The following CSGALNACT2 variants were observed in gnomAD, a reference collection of about 807,000 sequenced individuals.
CSGALNACT2 encodes beta 4 GalNAcT-2.
CSGALNACT2 carries 35 observed loss-of-function variants against 55.3 expected under a neutral mutation model. That is an observed-to-expected ratio of 0.63 (90% CI 0.48 to 0.84). The LOEUF (loss-of-function observed/expected upper bound fraction) is 0.84, where lower values mean the gene tolerates loss of function less well. Among genes scored for constraint, CSGALNACT2 ranks in the 40% least tolerant of loss-of-function variants. CSGALNACT2 has a pLI of 0.00. For missense variants in CSGALNACT2, 544 were observed against 657.5 expected (o/e 0.83, Z 1.89); for synonymous variants, 196 against 224.9 (o/e 0.87, Z 1.15).
At chr10:43,181,222 T>C (rs759797757) in intron 7 of CSGALNACT2, among the ~76,000 whole-genome samples, 14 of 152,230 alleles carry the variant, frequency 9.2e-5, no homozygotes, top group Admixed American at 4.6e-4. Context: ...TTTTCCTACC[T>C]GGGTACTGGT....
At chr10:43,161,952 G>A (rs1377228414) in intron 4 of CSGALNACT2, among the ~76,000 whole-genome samples, 1 of 152,110 alleles carries the variant, frequency 6.6e-6, no homozygotes, top group African/African-American at 2.4e-5. Flanking sequence ...TAATACTGAA[G>A]TATTGTCAAG....
At chr10:43,154,757 CTGA>C (rs1838957133) in intron 1 of CSGALNACT2, 137 bp from the exon 2 acceptor site, 1 of 155,918 alleles carries the variant, frequency 6.4e-6, no homozygotes, top group Admixed American at 6.5e-5. Context: ...CTAGTATTTA[CTGA>C]ATATTCTAAA....
chr10:43,182,574 G>A (rs1013397952), intron 7 of CSGALNACT2, among the ~76,000 whole-genome samples: 17 of 152,028 alleles, frequency 1.1e-4, no homozygotes, highest in African/African-American at 2.9e-4. Flanking sequence ...CCAGAAAAGC[G>A]TGTGTCTCAA....
intron 6 of CSGALNACT2, among the ~76,000 whole-genome samples, chr10:43,170,313 C>T (rs1839358343): frequency 6.6e-6 from 1 of 152,066 alleles, no homozygotes; most frequent in Admixed American, 6.5e-5. Flanking sequence ...TCAAACGAGC[C>T]AGAGGTCCAC....
chr10:43,170,482 G>A lies in CSGALNACT2; in HGVS notation c.1254+3384G>A, dbSNP rs75003478. 2.4e-4 allele frequency among the ~76,000 whole-genome samples: 36 copies of A among 152,250 alleles called. No homozygotes were observed. In the East Asian group the frequency reaches 6.8e-3, roughly 29 times the overall value. ...AGAAAGAGCTCCCAGTGCCCAAGCTGGAACAACCTGAGCAATGAAATAAAT... is the reference window on the plus strand; with the variant it reads ...AGAAAGAGCTCCCAGTGCCCAAGCTAGAACAACCTGAGCAATGAAATAAAT... On this transcript the variant is annotated intron_variant, in intron 6 of 7. Transcript: ENST00000374466.
In CSGALNACT2 at chr10:43,155,157, G is replaced by A. The variant is rs372921988; in HGVS notation, c.8G>A (p.Arg3Lys). 9 of 1,612,810 alleles carry A rather than the reference G, an allele frequency of 5.6e-6. No homozygotes were observed. Among genetic ancestry groups the A allele is most frequent in the Middle Eastern group, 1.6e-4 (1 of 6,084 alleles). ...AAATACACATTAATAAGAATGCCTA[G>A]AAGAGGACTGATTCTTCACACCCGG... MP[R>K]RGLILHTRTH... Residue 3 changes from arginine (R) to lysine (K), a missense_variant, in exon 2 of 8, where the codon AGA becomes AAA. This residue lies in a region of CSGALNACT2 where 374 missense variants were observed against 401.3 expected (regional missense o/e 0.93). Transcript: ENST00000374466.
chr10:43,180,138 G>C (rs542313984), intron 7 of CSGALNACT2, among the ~76,000 whole-genome samples: 1 of 152,308 alleles, frequency 6.6e-6, no homozygotes, highest in African/African-American at 2.4e-5. Flanking sequence ...CCTCCACCCT[G>C]TTGCTGTGGG....
intron 7 of CSGALNACT2, among the ~76,000 whole-genome samples, chr10:43,180,097 T>C (rs762599853): frequency 7.2e-5 from 11 of 152,160 alleles, no homozygotes; most frequent in Admixed American, 7.2e-4. Context: ...GGACCCCCAG[T>C]ATTCTCAGCT....
chr10:43,156,557 A>G (rs563185530), intron 2 of CSGALNACT2, among the ~76,000 whole-genome samples: 1 of 152,330 alleles, frequency 6.6e-6, no homozygotes, highest in East Asian at 1.9e-4. Context: ...GATTCTATAA[A>G]CTGTGTTATC....
intron 7 of CSGALNACT2, among the ~76,000 whole-genome samples, chr10:43,180,283 TATTTTGTTC>T (rs1839565297): frequency 2.0e-5 from 3 of 152,230 alleles, no homozygotes; most frequent in African/African-American, 7.2e-5. Flanking sequence ...CGTTCTTAGA[TATTTTGTTC>T]ATTTTATTTT....
chr10:43,144,567 T>G (rs925048672), intron 1 of CSGALNACT2, among the ~76,000 whole-genome samples: 24 of 5,972 alleles, frequency 4.0e-3, no homozygotes, highest in African/African-American at 0.038. Flanking sequence ...CTGGAGGGGT[T>G]TTTTTTTGTT....
At chr10:43,164,075 A>G (rs771270431) in intron 5 of CSGALNACT2, 31 bp downstream of exon 5, 13 of 1,581,028 alleles carry the variant, frequency 8.2e-6, no homozygotes, top group African/African-American at 4.1e-5. Flanking sequence ...TGAGCTGACT[A>G]TAGAATTTAG....
At chr10:43,146,162 G>A (rs1046982637) in intron 1 of CSGALNACT2, among the ~76,000 whole-genome samples, 2 of 152,208 alleles carry the variant, frequency 1.3e-5, no homozygotes, top group Admixed American at 1.3e-4. Context: ...AGCAAGTTGA[G>A]GAGCAAGGAA....
intron 7 of CSGALNACT2, 68 bp downstream of exon 7, chr10:43,176,100 G>T (rs938157624): frequency 3.1e-6 from 4 of 1,293,674 alleles, no homozygotes; most frequent in African/African-American, 1.5e-5. Context: ...TTGCTAAAAG[G>T]TCTCAGATTT....
At position 43,163,941 on chromosome 10, in the gene CSGALNACT2, T is replaced by C; in HGVS notation, c.1056T>C (p.Gly352=). ...ATCGTGGACGAGGACTAAATGTGGG[T>C]GCCCGAGCTTGGGACAAGGGAGAGG... ...EFNRGRGLNV[G]ARAWDKGEVL... is the part of the protein sequence containing the mutation. Residue 352 remains glycine (G), a synonymous_variant, in exon 5 of 8, where the codon GGT becomes GGC. Coordinates refer to ENST00000374466, the MANE Select transcript of CSGALNACT2 (RefSeq NM_018590.5). 6.2e-7 allele frequency: 1 copy of C among 1,614,184 alleles called. No homozygotes were observed. Among genetic ancestry groups the C allele is most frequent in the African/African-American group, 1.3e-5 (1 of 75,060 alleles).
At chr10:43,180,395 C>G (rs1035838407) in intron 7 of CSGALNACT2, among the ~76,000 whole-genome samples, 1 of 152,152 alleles carries the variant, frequency 6.6e-6, no homozygotes, top group African/African-American at 2.4e-5. Flanking sequence ...GTCCGGTCTA[C>G]TAATGAACCC....
At chr10:43,154,051 G>A (rs946755532) in intron 1 of CSGALNACT2, among the ~76,000 whole-genome samples, 39 of 152,198 alleles carry the variant, frequency 2.6e-4, no homozygotes, top group African/African-American at 8.9e-4. Context: ...GTGAGCTTTT[G>A]AAGTTGTTCT....
chr10:43,159,880 T>C lies in CSGALNACT2; in HGVS notation c.879-614T>C, dbSNP rs559597271. Among the ~76,000 whole-genome samples, 3 of 152,376 alleles carry C rather than the reference T, an allele frequency of 2.0e-5. No individual in the cohort carries two copies. The South Asian group carries it at 6.2e-4, about 32-fold the overall frequency. On this transcript the variant is annotated intron_variant, in intron 3 of 7. Transcript: ENST00000374466. ...GGTTTAATGCTTTGTGATCCTAGTC[T>C]TTATTCTCATATTGAAATTGTTGGA...
intron 7 of CSGALNACT2, among the ~76,000 whole-genome samples, chr10:43,179,117 G>A (rs1459782531): frequency 6.6e-6 from 1 of 151,830 alleles, no homozygotes; most frequent in Non-Finnish European, 1.5e-5. Flanking sequence ...ATGAAACATT[G>A]TCATCTTCTG....
Sources: allele counts gnomAD v4.1 joint callset (sites outside exome capture counted in the v4.1 genomes callset), GRCh38; gene constraint gnomAD v4.1.1; regional missense constraint gnomAD v4.1.1; transcripts MANE v1.5; gene names NCBI Gene and HGNC (gene_info 2026-07-23, HGNC 2026-07-21).